UHRF2: variants seen among roughly 807,000 people sequenced by gnomAD.
The protein encoded by UHRF2 is E3 ubiquitin-protein ligase UHRF2.
Under a neutral mutation model 96.8 loss-of-function variants are expected in UHRF2, and 23 were observed. That is an observed-to-expected ratio of 0.24 (90% confidence interval 0.17 to 0.34). The LOEUF (loss-of-function observed/expected upper bound fraction) is 0.34, where lower values mean the gene tolerates loss of function less well. UHRF2 is among the 10% of genes least tolerant of loss of function. UHRF2 has a pLI of 1.00. For missense variants in UHRF2, 685 were observed against 981.5 expected, an observed-to-expected ratio of 0.70 and a Z score of 4.04; for synonymous variants, 385 against 332.6, an observed-to-expected ratio of 1.16 and a Z score of -1.72.
chr9:6,501,434 G>T (rs1816287484), intron 14 of UHRF2, among the ~76,000 whole-genome samples: 1 of 152,076 alleles, frequency 6.6e-6, no homozygotes, highest in South Asian at 2.1e-4. Flanking sequence ...GTGTTGATGT[G>T]CCCCCATGTC....
Position 6,413,427 on chromosome 9 carries a change from G to A in UHRF2, c.-64G>A. ...CCGCAGGGAAAGCGGCGCGGGCCGG[G>A]CGGGGCGCGGCGCCCAGAGCTCAGG... On this transcript the variant is annotated 5_prime_UTR_variant, in exon 1 of 16. Transcript: ENST00000276893. 1 of 1,311,440 alleles carries A rather than the reference G, an allele frequency of 7.6e-7. No homozygotes were observed. Among genetic ancestry groups the A allele is most frequent in the Non-Finnish European group, 9.8e-7 (1 of 1,017,790 alleles). 81.2% of individuals were successfully genotyped at this position (1,311,440 alleles called of 1,614,324 possible).
At chr9:6,481,241 T>A (rs1374677361) in intron 6 of UHRF2, among the ~76,000 whole-genome samples, 1 of 152,220 alleles carries the variant, frequency 6.6e-6, no homozygotes, top group Non-Finnish European at 1.5e-5. Flanking sequence ...TCTCTGGGAA[T>A]TCTAATAACC....
intron 10 of UHRF2, chr9:6,494,693 A>G (rs1824861851): frequency 6.6e-6 from 1 of 152,206 alleles, no homozygotes. Context: ...TCATAAAGTT[A>G]ACAGTTTTTA....
At chr9:6,432,438 G>A (rs1459349481) in intron 2 of UHRF2, among the ~76,000 whole-genome samples, 1 of 152,070 alleles carries the variant, frequency 6.6e-6, no homozygotes, top group African/African-American at 2.4e-5. Flanking sequence ...TACCTGTCTT[G>A]TCATTTATAT....
chr9:6,434,014 A>G lies in UHRF2; in HGVS notation c.485A>G (p.Lys162Arg). ...GCTTCTGATGGACAGTCACGTGGCA[A>G]AACTCCACTGAAGAATGGCAGTTCT... ...TRASDGQSRGKTPLKNGSSCK... is the reference protein window; with the variant it reads ...TRASDGQSRGRTPLKNGSSCK... Residue 162 changes from lysine (K) to arginine (R), a missense_variant, in exon 3 of 16, where the codon AAA becomes AGA. By Grantham distance (26) the Lys-to-Arg change is conservative. Transcript: ENST00000276893. 1.2e-6 allele frequency: 2 copies of G among 1,614,130 alleles called. No homozygotes were observed. The highest frequency in any genetic ancestry group is 1.1e-5 in the South Asian group (1 of 91,078).
chr9:6,457,234 G>C (rs1222240926), intron 3 of UHRF2, among the ~76,000 whole-genome samples: 1 of 152,128 alleles, frequency 6.6e-6, no homozygotes. Context: ...TCCCTTGTGA[G>C]TTGTATTCCT....
chr9:6,416,712 T>C (rs545727872), intron 1 of UHRF2, among the ~76,000 whole-genome samples: 2 of 151,968 alleles, frequency 1.3e-5, no homozygotes, highest in East Asian at 1.9e-4. Context: ...GCTGATTTTT[T>C]GTATTTTTAG....
At chr9:6,441,086 A>T (rs1821135337) in intron 3 of UHRF2, among the ~76,000 whole-genome samples, 1 of 152,172 alleles carries the variant, frequency 6.6e-6, no homozygotes, top group Non-Finnish European at 1.5e-5. Flanking sequence ...CGTGTTAGAA[A>T]TGCAAATTCT....
intron 4 of UHRF2, among the ~76,000 whole-genome samples, chr9:6,469,905 G>A (rs373738585): frequency 2.6e-5 from 4 of 151,838 alleles, no homozygotes; most frequent in African/African-American, 9.7e-5. Flanking sequence ...TACAAGTTCA[G>A]GTCAAAGAAG....
At chr9:6,446,478 G>T (rs1485547987) in intron 3 of UHRF2, among the ~76,000 whole-genome samples, 1 of 151,324 alleles carries the variant, frequency 6.6e-6, no homozygotes, top group African/African-American at 2.4e-5. Flanking sequence ...GCAGGGTTTC[G>T]CCATGTTGCC....
intron 1 of UHRF2, among the ~76,000 whole-genome samples, chr9:6,419,160 C>T (rs1279115413): frequency 6.6e-6 from 1 of 152,102 alleles, no homozygotes; most frequent in African/African-American, 2.4e-5. Flanking sequence ...AGGACTTTAA[C>T]AAAAAAATTT....
intron 8 of UHRF2, 44 bp from the exon 9 acceptor site, chr9:6,486,777 A>T: frequency 6.3e-7 from 1 of 1,581,380 alleles, no homozygotes; most frequent in Non-Finnish European, 8.7e-7. Flanking sequence ...AATGTATCTT[A>T]ACTGTTCAGA....
intron 14 of UHRF2, chr9:6,504,218 G>T (rs780799407): frequency 1.2e-4 from 18 of 155,168 alleles, no homozygotes; most frequent in Non-Finnish European, 2.4e-4. Context: ...GTAGCGATGG[G>T]GTTTCACTGT....
At chr9:6,498,865 C>G in intron 12 of UHRF2, 1 of 152,274 alleles carries the variant, frequency 6.6e-6, no homozygotes, top group Non-Finnish European at 1.5e-5. Flanking sequence ...TTTCCCCTGG[C>G]TCTGCCCACA....
chr9:6,413,415 G>C lies in UHRF2; in HGVS notation c.-76G>C. The C allele has an allele frequency of 7.8e-7, 1 of 1,287,742 alleles. No homozygotes were observed. The highest frequency in any genetic ancestry group is 3.0e-5 in the East Asian group (1 of 33,416). The allele number at this position is 1,287,742 out of a possible 1,614,324, so 79.8% of individuals were successfully genotyped here. ...TGAGGGCCCGAGCCGCAGGGAAAGC[G>C]GCGCGGGCCGGGCGGGGCGCGGCGC... is the stretch of plus-strand genomic sequence containing the variant. On this transcript the variant is annotated 5_prime_UTR_variant, in exon 1 of 16. Transcript: ENST00000276893.
intron 9 of UHRF2, among the ~76,000 whole-genome samples, chr9:6,489,862 C>G (rs189876301): frequency 1.7e-4 from 25 of 151,192 alleles, no homozygotes; most frequent in African/African-American, 6.1e-4. Context: ...TGTTTTCAGA[C>G]AAATAGAAAA....
chr9:6,483,996 C>A (rs568296185), intron 8 of UHRF2, among the ~76,000 whole-genome samples: 1 of 152,164 alleles, frequency 6.6e-6, no homozygotes, highest in South Asian at 2.1e-4. Flanking sequence ...GCTTCATCAT[C>A]ATTTTCTGTT....
intron 3 of UHRF2, among the ~76,000 whole-genome samples, chr9:6,447,110 T>G (rs921841262): frequency 6.6e-6 from 1 of 152,000 alleles, no homozygotes; most frequent in South Asian, 2.1e-4. Context: ...AGGATGGTCT[T>G]GATCTCCTGA....
chr9:6,455,303 A>G (rs1822112757), intron 3 of UHRF2, among the ~76,000 whole-genome samples: 1 of 151,934 alleles, frequency 6.6e-6, no homozygotes. Flanking sequence ...TCCACCCCAC[A>G]ACAGGCCCGG....
Sources: gnomAD v4.1 joint callset for allele counts (sites outside exome capture counted in the v4.1 genomes callset) on GRCh38, gnomAD v4.1.1 for gene constraint, MANE v1.5 for transcripts, NCBI Gene and HGNC (gene_info 2026-07-23, HGNC 2026-07-21) for gene names.